IL12RB2: variants seen among roughly 807,000 people sequenced by gnomAD.
The protein encoded by IL12RB2 is interleukin-12 receptor subunit beta-2.
A neutral mutation model predicts 89.4 loss-of-function variants in IL12RB2; 82 were observed. The observed-to-expected ratio is 0.92, with a 90% confidence interval of 0.77 to 1.10. The LOEUF is 1.10. Among genes scored for constraint, IL12RB2 ranks in the 50% least tolerant of loss-of-function variants. IL12RB2 has a pLI of 0.00. For missense variants in IL12RB2, 963 were observed against 1,031.9 expected (o/e 0.93, Z 0.92); for synonymous variants, 368 against 370.1 (o/e 0.99, Z 0.07).
chr1:67,357,661 G>A (rs1414828964), intron 10 of IL12RB2, among the ~76,000 whole-genome samples: 1 of 152,146 alleles, frequency 6.6e-6, no homozygotes, highest in Non-Finnish European at 1.5e-5. Flanking sequence ...TTGTCTGAGA[G>A]TGGTCAATTA....
chr1:67,314,799 A>C (rs948254258), intron 2 of IL12RB2, among the ~76,000 whole-genome samples: 1 of 152,100 alleles, frequency 6.6e-6, no homozygotes, highest in Non-Finnish European at 1.5e-5. Context: ...CTGTCTTCCT[A>C]CCGGTCGGTG....
At chr1:67,372,844 AAGG>A (rs543293196) in intron 13 of IL12RB2, 61 bp downstream of exon 13, 10 of 1,147,062 alleles carry the variant, frequency 8.7e-6, no homozygotes, top group African/African-American at 3.1e-5. Flanking sequence ...AGGAAAACAC[AAGG>A]AGGTGTGTGT....
At chr1:67,388,653 A>T (rs2100264897) in intron 15 of IL12RB2, among the ~76,000 whole-genome samples, 1 of 152,270 alleles carries the variant, frequency 6.6e-6, no homozygotes, top group East Asian at 1.9e-4. Flanking sequence ...CTAAACCACA[A>T]TATTAATGGT....
At chr1:67,360,402 GA>G (rs367862217) in intron 10 of IL12RB2, among the ~76,000 whole-genome samples, 8,418 of 117,752 alleles carry the variant, frequency 0.071, 310 homozygotes, top group South Asian at 0.12. Context: ...GTCTCAGAAA[GA>G]AAAAAAAAAA....
chr1:67,394,835 C>T (rs1017473414), intron 16 of IL12RB2, among the ~76,000 whole-genome samples: 3 of 152,206 alleles, frequency 2.0e-5, no homozygotes, highest in Non-Finnish European at 4.4e-5. Flanking sequence ...GCTCAGCTCT[C>T]GTGTCCCTTC....
At chr1:67,366,867 C>T (rs959843607) in intron 10 of IL12RB2, among the ~76,000 whole-genome samples, 5 of 152,152 alleles carry the variant, frequency 3.3e-5, no homozygotes, top group East Asian at 3.9e-4. Flanking sequence ...AAAAATGAGT[C>T]GGATTTACAT....
chr1:67,380,437 A>G (rs556882861), intron 14 of IL12RB2, among the ~76,000 whole-genome samples: 1 of 152,296 alleles, frequency 6.6e-6, no homozygotes, highest in East Asian at 1.9e-4. Context: ...GCAAGGATTG[A>G]TATCTGTTTA....
At chr1:67,364,100 T>C (rs1662414909) in intron 10 of IL12RB2, among the ~76,000 whole-genome samples, 1 of 152,024 alleles carries the variant, frequency 6.6e-6, no homozygotes, top group African/African-American at 2.4e-5. Context: ...TTTAAATATA[T>C]AGACATATAG....
intron 8 of IL12RB2, among the ~76,000 whole-genome samples, chr1:67,332,195 TCCTTA>T (rs1012505932): frequency 2.7e-5 from 4 of 149,882 alleles, no homozygotes; most frequent in Non-Finnish European, 4.4e-5. Context: ...CTTATATTCT[TCCTTA>T]CTTCTTGTAT....
chr1:67,324,114 C>T (rs182490593), intron 4 of IL12RB2, among the ~76,000 whole-genome samples: 20 of 152,158 alleles, frequency 1.3e-4, no homozygotes, highest in Admixed American at 6.5e-4. Flanking sequence ...GGCTCAGTCA[C>T]GAGTAGTGTG....
intron 10 of IL12RB2, among the ~76,000 whole-genome samples, chr1:67,356,153 TC>T (rs1263874152): frequency 2.0e-5 from 3 of 152,244 alleles, no homozygotes; most frequent in Admixed American, 2.0e-4. Context: ...GAATTCCAGT[TC>T]CTGACAAGAT....
rs759222501 is a variant in IL12RB2, at chr1:67,372,495, G to A, written c.1519G>A (p.Gly507Arg). ...TGTGTATGCACTCTCAGGGGATCAAGGAGGATGCAGCTCCATCCTGGGTAA... is the reference window on the plus strand; with the variant it reads ...TGTGTATGCACTCTCAGGGGATCAAAGAGGATGCAGCTCCATCCTGGGTAA... Reference protein sequence around the residue: ...IRVYALSGDQGGCSSILGNSK... With the variant: ...IRVYALSGDQRGCSSILGNSK... The change falls in exon 12 of 17, where the codon GGA becomes AGA. Residue 507 changes from glycine (G) to arginine (R), a missense_variant. Coordinates refer to ENST00000674203, the MANE Select transcript of IL12RB2 (RefSeq NM_001374259.2). 3 of 1,603,248 alleles carry A rather than the reference G, an allele frequency of 1.9e-6. No individual in the cohort carries two copies. The highest frequency in any genetic ancestry group is 2.2e-5 in the East Asian group (1 of 44,854).
intron 4 of IL12RB2, among the ~76,000 whole-genome samples, chr1:67,326,123 AG>A (rs1657251051): frequency 6.6e-6 from 1 of 152,258 alleles, no homozygotes. Context: ...TAGATGGTAT[AG>A]CCCGGGAGGA....
Position 67,396,152 on chromosome 1 carries a change from C to T in IL12RB2, c.*63C>T, listed in dbSNP as rs897252336. ...AACCAGCACAGCCTGCCCCAATTCCCCCAGCCCCTGCTCCAGCAGCTGTCA... is the reference window on the plus strand; with the variant it reads ...AACCAGCACAGCCTGCCCCAATTCCTCCAGCCCCTGCTCCAGCAGCTGTCA... On this transcript the variant is annotated 3_prime_UTR_variant, in exon 17 of 17. Transcript: ENST00000674203. 2.1e-6 allele frequency: 2 copies of T among 969,034 alleles called. No individual in the cohort carries two copies. Among genetic ancestry groups the T allele is most frequent in the African/African-American group, 3.2e-5 (2 of 62,742 alleles). The allele number at this position is 969,034 out of a possible 1,614,324, so 60.0% of individuals were successfully genotyped here.
At chr1:67,347,854 C>T (rs1660405234) in intron 9 of IL12RB2, among the ~76,000 whole-genome samples, 1 of 152,156 alleles carries the variant, frequency 6.6e-6, no homozygotes, top group African/African-American at 2.4e-5. Context: ...GGATACTGCG[C>T]ACCGCTCTCA....
At chr1:67,349,379 GGAGT>G (rs1314614223) in intron 9 of IL12RB2, among the ~76,000 whole-genome samples, 3 of 152,150 alleles carry the variant, frequency 2.0e-5, no homozygotes, top group African/African-American at 7.2e-5. Context: ...AGGGAACAAC[GGAGT>G]GAGAGATAGC....
Position 67,319,823 on chromosome 1 carries a change from G to GA in IL12RB2, c.-36-509dup, listed in dbSNP as rs559384639. Among the ~76,000 whole-genome samples, 409 of 152,240 alleles carry GA rather than the reference G, an allele frequency of 2.7e-3. 3 individuals are homozygous for GA. The highest frequency in any genetic ancestry group is 9.5e-3 in the African/African-American group (396 of 41,544). On this transcript the variant is annotated intron_variant, in intron 2 of 16. Coordinates refer to ENST00000674203, the MANE Select transcript of IL12RB2 (RefSeq NM_001374259.2). ...TTAGGAGATGGGGTCTTTGGGAGGT[G>GA]ATTGGGTCATGAAGGTAGAATTTTT... is the stretch of plus-strand genomic sequence containing the variant.
intron 2 of IL12RB2, among the ~76,000 whole-genome samples, chr1:67,316,441 T>TGTGG (rs1655778151): frequency 6.6e-6 from 1 of 151,834 alleles, no homozygotes; most frequent in Non-Finnish European, 1.5e-5. Flanking sequence ...TGTGTGTGTG[T>TGTGG]GTGTGTGTGT....
rs544999403 is a variant in IL12RB2, at chr1:67,330,411, C to T, written c.808-249C>T. Reference sequence around the variant, plus strand: ...TTTCAGCTGGTTTCAGGATTCCCCTCGAGAACCTACATAGATGGGTTCTTA... The same window carrying T: ...TTTCAGCTGGTTTCAGGATTCCCCTTGAGAACCTACATAGATGGGTTCTTA... On this transcript the variant is annotated intron_variant, in intron 7 of 16. Coordinates refer to ENST00000674203, the MANE Select transcript of IL12RB2 (RefSeq NM_001374259.2). Among the ~76,000 whole-genome samples, 10 of 152,102 alleles carry T rather than the reference C, an allele frequency of 6.6e-5. No homozygotes were observed. The East Asian group carries it at 1.2e-3, about 18-fold the overall frequency.
Sources: allele counts gnomAD v4.1 joint callset (sites outside exome capture counted in the v4.1 genomes callset), GRCh38; gene constraint gnomAD v4.1.1; transcripts MANE v1.5; gene names NCBI Gene and HGNC (gene_info 2026-07-23, HGNC 2026-07-21).